ABI1: variants seen among roughly 807,000 people sequenced by gnomAD.
The protein encoded by ABI1 is Abelson interactor 1.
A neutral mutation model predicts 54.6 loss-of-function variants in ABI1; 14 were observed. The ratio of observed to expected loss-of-function variants is 0.26; its 90% confidence interval spans 0.17 to 0.40. ABI1 has a LOEUF of 0.40. Ranked by LOEUF, ABI1 falls within the 10% of genes least tolerant of loss-of-function variation. The pLI is 1.00. For missense variants in ABI1, 443 were observed against 598.3 expected (o/e 0.74, Z 2.71); for synonymous variants, 194 against 209.3 (o/e 0.93, Z 0.63).
chr10:26,855,950 G>GCA (rs2050765563), intron 1 of ABI1, among the ~76,000 whole-genome samples: 1 of 133,470 alleles, frequency 7.5e-6, no homozygotes, highest in African/African-American at 2.8e-5. Context: ...CAGCCTGGGT[G>GCA]ACAGAGCAAG....
intron 2 of ABI1, among the ~76,000 whole-genome samples, chr10:26,794,492 A>G (rs1390502747): frequency 6.6e-6 from 1 of 151,948 alleles, no homozygotes. Flanking sequence ...TTCAGGAACC[A>G]AACTGTGTGG....
intron 1 of ABI1, among the ~76,000 whole-genome samples, chr10:26,832,778 A>C (rs1304348925): frequency 6.6e-6 from 1 of 152,152 alleles, no homozygotes; most frequent in Non-Finnish European, 1.5e-5. Context: ...CCTTCCAGGA[A>C]GAATCCATAA....
intron 6 of ABI1, 79 bp from the exon 7 acceptor site, chr10:26,765,397 T>A: frequency 2.1e-6 from 2 of 961,028 alleles, no homozygotes; most frequent in African/African-American, 1.7e-5. Flanking sequence ...CCAAGGCCAC[T>A]AAATACTCCT....
chr10:26,792,641 T>C (rs189214203), intron 2 of ABI1, among the ~76,000 whole-genome samples: 140 of 152,256 alleles, frequency 9.2e-4, no homozygotes, highest in African/African-American at 3.0e-3. Flanking sequence ...AATAAGTAGA[T>C]TGGGAATTGA....
At chr10:26,806,487 G>A (rs1360010028) in intron 2 of ABI1, among the ~76,000 whole-genome samples, 2 of 152,176 alleles carry the variant, frequency 1.3e-5, no homozygotes, top group East Asian at 3.8e-4. Flanking sequence ...CCAGTCACCA[G>A]GTTTGTGGGT....
chr10:26,807,212 G>A lies in ABI1; in HGVS notation c.285+15926C>T, dbSNP rs545373801. On this transcript the variant is annotated intron_variant, in intron 2 of 10. Coordinates refer to ENST00000376140, the MANE Select transcript of ABI1 (RefSeq NM_001012750.3). ...CAGTAGGCCAGGCACAGTGGCTCAC[G>A]CCTGTAATCCCAGCACTTTTGGAGG... Among the ~76,000 whole-genome samples, 5 of 152,246 alleles carry A rather than the reference G, an allele frequency of 3.3e-5. No homozygotes were observed. In the East Asian group the frequency reaches 5.8e-4, roughly 18 times the overall value.
intron 1 of ABI1, among the ~76,000 whole-genome samples, chr10:26,837,743 T>C (rs943184728): frequency 3.3e-5 from 5 of 151,990 alleles, no homozygotes; most frequent in Non-Finnish European, 7.4e-5. Context: ...GCCTCTTCAG[T>C]AGCTGGGATT....
chr10:26,822,152 A>G (rs1326326430), intron 2 of ABI1, among the ~76,000 whole-genome samples: 1 of 151,662 alleles, frequency 6.6e-6, no homozygotes, highest in Non-Finnish European at 1.5e-5. Context: ...AATTCACCAT[A>G]TTAATAGACA....
In ABI1 at chr10:26,767,288, AG is replaced by A. The variant is rs931729558; in HGVS notation, c.719+1563del. 6.6e-5 allele frequency among the ~76,000 whole-genome samples: 10 copies of A among 152,226 alleles called. 1 individual carries two copies. The highest frequency in any genetic ancestry group is 3.3e-4 in the Admixed American group (5 of 15,276). ...TCAACTTAACAATTTGTTTACTAAC[AG>A]CACCAATAGTAATAAATACCGCTTA... is the stretch of plus-strand genomic sequence containing the variant. On this transcript the variant is annotated intron_variant, in intron 6 of 10. Coordinates refer to ENST00000376140, the MANE Select transcript of ABI1 (RefSeq NM_001012750.3).
chr10:26,775,128 A>C (rs74126842), intron 3 of ABI1, among the ~76,000 whole-genome samples: 3,672 of 152,244 alleles, frequency 0.024, 150 homozygotes, highest in African/African-American at 0.083. Context: ...ATTAACTACT[A>C]CCAAAATTTC....
chr10:26,841,673 A>G (rs2049521104), intron 1 of ABI1, among the ~76,000 whole-genome samples: 2 of 151,600 alleles, frequency 1.3e-5, no homozygotes, highest in Admixed American at 1.3e-4. Context: ...TTAAGATTCC[A>G]CATATGAGAT....
chr10:26,808,853 G>A (rs948978077), intron 2 of ABI1, among the ~76,000 whole-genome samples: 6 of 151,882 alleles, frequency 4.0e-5, no homozygotes, highest in African/African-American at 1.5e-4. Context: ...AGGGGAGGCA[G>A]ACAGACAAAG....
intron 2 of ABI1, among the ~76,000 whole-genome samples, chr10:26,795,488 A>C (rs1396302939): frequency 6.6e-6 from 1 of 152,200 alleles, no homozygotes; most frequent in African/African-American, 2.4e-5. Flanking sequence ...ATGTTCCTAA[A>C]TACAGAAAAC....
intron 2 of ABI1, among the ~76,000 whole-genome samples, chr10:26,780,181 T>C (rs1388532236): frequency 6.6e-6 from 1 of 152,136 alleles, no homozygotes; most frequent in Non-Finnish European, 1.5e-5. Context: ...CTATAGTTGT[T>C]CGATCAAGGT....
At chr10:26,851,294 C>G (rs988456277) in intron 1 of ABI1, among the ~76,000 whole-genome samples, 1 of 149,508 alleles carries the variant, frequency 6.7e-6, no homozygotes, top group Non-Finnish European at 1.5e-5. Context: ...CTCCTGGGCT[C>G]AAGTGATCCT....
intron 1 of ABI1, among the ~76,000 whole-genome samples, chr10:26,851,380 A>T (rs909129802): frequency 1.2e-5 from 1 of 86,578 alleles, no homozygotes. Flanking sequence ...TTTTTGAGAC[A>T]GGGTCTTGCT....
intron 2 of ABI1, among the ~76,000 whole-genome samples, chr10:26,792,845 C>A (rs1293369589): frequency 2.0e-5 from 3 of 152,132 alleles, no homozygotes; most frequent in Non-Finnish European, 4.4e-5. Flanking sequence ...AATAGGTTTT[C>A]ATTTTGTTCT....
chr10:26,786,994 T>C (rs1842803536), intron 2 of ABI1, among the ~76,000 whole-genome samples: 1 of 152,222 alleles, frequency 6.6e-6, no homozygotes, highest in African/African-American at 2.4e-5. Flanking sequence ...TTCAATTCTC[T>C]ATTGGTTTAT....
chr10:26,748,572 A>G lies in ABI1; in HGVS notation c.1444T>C (p.Ter482GlnextTer6). ...CTACTTCAAAAGAAAAAAAAAAATTAATCAGTATAGTGCATGATTGATTCA... is the reference window on the plus strand; with the variant it reads ...CTACTTCAAAAGAAAAAAAAAAATTGATCAGTATAGTGCATGATTGATTCA... ...YVESIMHYTD[*>Q] is the part of the protein sequence containing the mutation. The change falls in exon 11 of 11, where the codon TAA (stop) becomes CAA (glutamine). Residue 482 changes from the stop codon to glutamine (Q), a stop_lost. Transcript: ENST00000376140. 6.3e-7 allele frequency: 1 copy of G among 1,596,944 alleles called. No individual in the cohort carries two copies. The highest frequency in any genetic ancestry group is 8.5e-7 in the Non-Finnish European group (1 of 1,173,882).
Sources: gnomAD v4.1 joint callset for allele counts (sites outside exome capture counted in the v4.1 genomes callset) on GRCh38, gnomAD v4.1.1 for gene constraint, MANE v1.5 for transcripts, NCBI Gene and HGNC (gene_info 2026-07-23, HGNC 2026-07-21) for gene names.